The following DPP9 variants were observed in gnomAD, a reference collection of about 807,000 sequenced individuals.
DPP9 encodes dipeptidyl peptidase 9, also known as dipeptidyl peptidase IV-related protein-2.
In DPP9, 50 loss-of-function variants were observed where a neutral mutation model predicts 110.7. The observed-to-expected ratio is 0.45, with a 90% CI of 0.36 to 0.57. DPP9 has a LOEUF of 0.57. DPP9 is among the 20% of genes least tolerant of loss of function. The probability of loss-of-function intolerance (pLI) is 0.00; values close to 1 mark genes in which losing one functional copy is unlikely to be tolerated. For synonymous variants in DPP9, 561 were observed against 514.4 expected (o/e 1.09, Z -1.23); for missense variants, 1,022 against 1,217.9 (o/e 0.84, Z 2.39).
chr19:4,678,867 A>G (rs1378245402), intron 21 of DPP9, among the ~76,000 whole-genome samples: 1 of 152,020 alleles, frequency 6.6e-6, no homozygotes, highest in Non-Finnish European at 1.5e-5. Flanking sequence ...CGGTACAACT[A>G]TGGACCACGT....
rs950325207 is a variant in DPP9, at chr19:4,676,349, G to A, written c.*215C>T. 1.0e-5 allele frequency: 6 copies of A among 573,548 alleles called. No individual in the cohort carries two copies. The African/African-American group carries it at 1.1e-4, about 11-fold the overall frequency. 35.5% of individuals were successfully genotyped at this position (573,548 alleles called of 1,614,324 possible). A position where few individuals can be genotyped will look rare whatever the true frequency, so the allele number is the denominator to read the frequency against. On this transcript the variant is annotated 3_prime_UTR_variant, in exon 22 of 22. Transcript: ENST00000262960. This position sits in a 1 kb window ranked among gnomAD's most constrained non-coding sequence, Gnocchi z 4.0. ...CCCGAGACCACCATCTCTCTGTCTC[G>A]GCAACCAAGAAGCAGCGGACATAAA...
intron 2 of DPP9, among the ~76,000 whole-genome samples, chr19:4,720,153 T>C (rs1264991939): frequency 6.6e-6 from 1 of 152,230 alleles, no homozygotes; most frequent in Non-Finnish European, 1.5e-5. Flanking sequence ...GCCCGTCATC[T>C]TTCTCAACAG....
At position 4,694,868 on chromosome 19, in the gene DPP9, C is replaced by T. The variant is rs766510938; in HGVS notation, c.1354-45G>A. 6.3e-7 allele frequency: 1 copy of T among 1,599,330 alleles called. No individual in the cohort carries two copies. Among genetic ancestry groups the T allele is most frequent in the South Asian group, 1.1e-5 (1 of 90,102 alleles). Reference sequence around the variant, plus strand: ...AAGATGCGTCAGAAGGTGTGGGTGGCCGGGCATGGTGGCTCACACCAGTAA... The same window carrying T: ...AAGATGCGTCAGAAGGTGTGGGTGGTCGGGCATGGTGGCTCACACCAGTAA... On this transcript the variant is annotated intron_variant, in intron 12 of 21. Transcript: ENST00000262960. This position sits in a 1 kb window ranked among gnomAD's most constrained non-coding sequence, Gnocchi z 4.0.
Position 4,704,300 on chromosome 19 carries a change from G to A in DPP9, c.431C>T (p.Thr144Met), listed in dbSNP as rs994294799. Residue 144 changes from threonine to methionine, a missense_variant, in exon 6 of 22, where the codon ACG (threonine) becomes ATG (methionine). Thr to Met is a moderately conservative substitution (Grantham distance 81). Coordinates refer to ENST00000262960, the MANE Select transcript of DPP9 (RefSeq NM_139159.5). The surrounding 1 kb of genome is among the most constrained non-coding windows in gnomAD (Gnocchi z 6.0). ...WKQMLDHFQA[T>M]PHHGVYSREE... ...CCGAGAGTAGACCCCATGGTGGGGCGTGGCCTGGAAACATACAGGGGACAG... is the reference window on the plus strand; with the variant it reads ...CCGAGAGTAGACCCCATGGTGGGGCATGGCCTGGAAACATACAGGGGACAG... The A allele has an allele frequency of 1.6e-5, 25 of 1,611,940 alleles. No homozygotes were observed. Among genetic ancestry groups the A allele is most frequent in the Non-Finnish European group, 1.9e-5 (22 of 1,179,724 alleles).
intron 4 of DPP9, among the ~76,000 whole-genome samples, chr19:4,709,042 C>T (rs1362387972): frequency 2.0e-5 from 3 of 152,164 alleles, no homozygotes; most frequent in East Asian, 1.9e-4. Flanking sequence ...CTCAGCCTCC[C>T]GAGTAGCTGG....
intron 21 of DPP9, chr19:4,679,529 G>A (rs2089486928): frequency 2.5e-6 from 1 of 401,736 alleles, no homozygotes; most frequent in African/African-American, 2.0e-5. Context: ...CCCGTCTGCG[G>A]GGCAATTTCG....
At chr19:4,697,991 A>G (rs1257061889) in intron 10 of DPP9, among the ~76,000 whole-genome samples, 1 of 152,042 alleles carries the variant, frequency 6.6e-6, no homozygotes, top group Non-Finnish European at 1.5e-5. Flanking sequence ...ACCTGCTAGC[A>G]GCTTGGTGTT....
At position 4,700,228 on chromosome 19, in the gene DPP9, G is replaced by A; in HGVS notation, c.1062C>T (p.Asp354=). 6.3e-7 allele frequency: 1 copy of A among 1,589,506 alleles called. No homozygotes were observed. Among genetic ancestry groups the A allele is most frequent in the Non-Finnish European group, 8.6e-7 (1 of 1,163,758 alleles). ...CAGGCCCCCTTACCTTGCCCTGGCT[G>A]TCAGTCTGGAACTCAGCCAGTTTCA... The part of the protein sequence containing the change: ...IALKLAEFQT[D]SQGKIVSTQE... Residue 354 remains aspartate, a synonymous_variant, in exon 10 of 22, where the codon GAC becomes GAT. Coordinates refer to ENST00000262960, the MANE Select transcript of DPP9 (RefSeq NM_139159.5). The surrounding 1 kb of genome is among the most constrained non-coding windows in gnomAD (Gnocchi z 4.3).
chr19:4,688,632 G>T, intron 16 of DPP9, 125 bp downstream of exon 16: 1 of 1,195,880 alleles, frequency 8.4e-7, no homozygotes, highest in South Asian at 2.1e-5. Flanking sequence ...GGAGGGGCCT[G>T]GGTGCTGTGG....
intron 16 of DPP9, chr19:4,688,508 G>A (rs1268994073): frequency 4.7e-6 from 2 of 422,136 alleles, no homozygotes; most frequent in Non-Finnish European, 8.1e-6. Flanking sequence ...TTGGCACGGA[G>A]CTGCATCCCT....
rs2090120201 is a variant in DPP9 at position 4,682,970 on chromosome 19, C to A, written c.2332-132G>T. The A allele has an allele frequency of 1.3e-6, 2 of 1,533,054 alleles. No homozygotes were observed. The highest frequency in any genetic ancestry group is 2.7e-5 in the African/African-American group (2 of 72,958). 95.0% of individuals were successfully genotyped at this position (1,533,054 alleles called of 1,614,324 possible). A position where few individuals can be genotyped will look rare whatever the true frequency, so the allele number is the denominator to read the frequency against. On this transcript the variant is annotated intron_variant, in intron 19 of 21. Coordinates refer to ENST00000262960, the MANE Select transcript of DPP9 (RefSeq NM_139159.5). The surrounding 1 kb of genome is among the most constrained non-coding windows in gnomAD (Gnocchi z 7.1). The stretch of plus-strand genomic sequence containing the variant: ...GGAGCGCTCATGCACATGGGGCCGG[C>A]AAGGAAGGGGCCCTCAGACCGCGTG...
chr19:4,688,329 A>G, intron 16 of DPP9: 1 of 167,562 alleles, frequency 6.0e-6, no homozygotes, highest in Admixed American at 6.4e-5. Flanking sequence ...GGCTGGTCTC[A>G]AACTCCTACG....
intron 20 of DPP9, 122 bp from the exon 21 acceptor site, chr19:4,680,068 AAAAAT>A (rs2089599112): frequency 1.5e-6 from 1 of 653,272 alleles, no homozygotes; most frequent in Non-Finnish European, 2.7e-6. Flanking sequence ...TGTCTCTACT[AAAAAT>A]ATATTTAAAA....
chr19:4,694,782 C>T lies in DPP9; in HGVS notation c.1395G>A (p.Glu465=). 6.2e-7 allele frequency: 1 copy of T among 1,613,934 alleles called. No homozygotes were observed. The highest frequency in any genetic ancestry group is 8.5e-7 in the Non-Finnish European group (1 of 1,179,858). Residue 465 remains glutamate (E), a synonymous_variant, in exon 13 of 22, where the codon GAG becomes GAA. Transcript: ENST00000262960. The surrounding 1 kb of genome is among the most constrained non-coding windows in gnomAD (Gnocchi z 4.0). ...TGGCGCGGAGAAAGCAGAGCTCGTCCTCTCCCTCTGATTGGGGGAAGGGAT... is the reference window on the plus strand; with the variant it reads ...TGGCGCGGAGAAAGCAGAGCTCGTCTTCTCCCTCTGATTGGGGGAAGGGAT... ...IFYPFPQSEG[E]DELCFLRANE... is the part of the protein sequence containing the mutation.
In DPP9 at chr19:4,704,328, G is replaced by A. The variant is rs1159900669; in HGVS notation, c.427-24C>T. On this transcript the variant is annotated intron_variant, in intron 5 of 21. Coordinates refer to ENST00000262960, the MANE Select transcript of DPP9 (RefSeq NM_139159.5). This position sits in a 1 kb window ranked among gnomAD's most constrained non-coding sequence, Gnocchi z 6.0. Reference sequence around the variant, plus strand: ...GCCTGGAAACATACAGGGGACAGGGGGCAGCGTCAGTGGGCAAAGAGGATC... The same window carrying A: ...GCCTGGAAACATACAGGGGACAGGGAGCAGCGTCAGTGGGCAAAGAGGATC... 1.7e-5 allele frequency: 27 copies of A among 1,593,152 alleles called. No individual in the cohort carries two copies. The highest frequency in any genetic ancestry group is 2.3e-5 in the Non-Finnish European group (27 of 1,168,140).
chr19:4,682,508 G>C lies in DPP9; in HGVS notation c.2474+188C>G, dbSNP rs1163469357. On this transcript the variant is annotated intron_variant, in intron 20 of 21. Coordinates refer to ENST00000262960, the MANE Select transcript of DPP9 (RefSeq NM_139159.5). This position sits in a 1 kb window ranked among gnomAD's most constrained non-coding sequence, Gnocchi z 7.1. ...GCAAGGTGCAGTGAGGAGGGAGGGT[G>C]GGCTGGAGGGGACTGTGAGGCACAT... Among the ~76,000 whole-genome samples, 2 of 152,140 alleles carry C rather than the reference G, an allele frequency of 1.3e-5. No individual in the cohort carries two copies. Among genetic ancestry groups the C allele is most frequent in the Non-Finnish European group, 2.9e-5 (2 of 68,000 alleles).
At position 4,688,869 on chromosome 19, in the gene DPP9, G is replaced by T; in HGVS notation, c.1773C>A (p.His591Gln). The change falls in exon 16 of 22, where the codon CAC becomes CAA. Residue 591 changes from histidine to glutamine, a missense_variant. Physicochemically the swap from His to Gln is conservative, Grantham distance 24. Coordinates refer to ENST00000262960, the MANE Select transcript of DPP9 (RefSeq NM_139159.5). ...MSQNFDMFVS[H>Q]YSSVSTPPCV... The stretch of plus-strand genomic sequence containing the variant: ...AGGGCGGCGTGCTCACGCTGCTGTA[G>T]TGGCTGACGAACATGTCGAAGTTCT... 6.6e-7 allele frequency: 1 copy of T among 1,523,328 alleles called. No homozygotes were observed. The highest frequency in any genetic ancestry group is 1.3e-5 in the South Asian group (1 of 77,834). The allele number at this position is 1,523,328 out of a possible 1,614,324, so 94.4% of individuals were successfully genotyped here. A position where few individuals can be genotyped will look rare whatever the true frequency, so the allele number is the denominator to read the frequency against.
At chr19:4,712,700 GA>G (rs1182527861) in intron 4 of DPP9, among the ~76,000 whole-genome samples, 1 of 152,188 alleles carries the variant, frequency 6.6e-6, no homozygotes, top group Non-Finnish European at 1.5e-5. Context: ...CCTGACTTCT[GA>G]AGACGGCTGT....
intron 13 of DPP9, 51 bp from the exon 14 acceptor site, chr19:4,691,008 C>A: frequency 2.0e-6 from 3 of 1,466,016 alleles, no homozygotes; most frequent in Non-Finnish European, 2.8e-6. Context: ...GTGATGCAGG[C>A]GCCCAAAGGC....
Sources: allele counts gnomAD v4.1 joint callset (sites outside exome capture counted in the v4.1 genomes callset), GRCh38; gene constraint gnomAD v4.1.1; non-coding constraint Gnocchi (gnomAD v3.1); transcripts MANE v1.5; gene names NCBI Gene and HGNC (gene_info 2026-07-23, HGNC 2026-07-21).